Variants in SH3D19 observed in about 807,000 individuals in gnomAD.
SH3D19 encodes the protein SH3 domain-containing protein 19.
In SH3D19, 58 loss-of-function variants were observed where a neutral mutation model predicts 112.1. The ratio of observed to expected loss-of-function variants is 0.52; its 90% confidence interval spans 0.42 to 0.64. SH3D19 has a LOEUF of 0.64. SH3D19 is among the 30% of genes least tolerant of loss of function. SH3D19 has a pLI of 0.00. For missense variants in SH3D19, 1,090 were observed against 1,263.4 expected (o/e 0.86, Z 2.08); for synonymous variants, 391 against 448.5 (o/e 0.87, Z 1.62).
intron 1 of SH3D19, among the ~76,000 whole-genome samples, chr4:151,254,972 G>T (rs530340129): frequency 1.3e-5 from 2 of 149,216 alleles, no homozygotes; most frequent in Non-Finnish European, 3.0e-5. Flanking sequence ...CCTCCCTCCC[G>T]GATGGGGCGG....
chr4:151,308,925 G>A (rs1419690339), intron 1 of SH3D19, among the ~76,000 whole-genome samples: 2 of 151,466 alleles, frequency 1.3e-5, no homozygotes, highest in Non-Finnish European at 2.9e-5. Context: ...ACTAGAGTGC[G>A]GTGGCGCAAT....
chr4:151,261,641 A>C (rs1438578733), intron 1 of SH3D19: 1 of 152,200 alleles, frequency 6.6e-6, no homozygotes, highest in Non-Finnish European at 1.5e-5. Flanking sequence ...ATACTACAGT[A>C]ATCTGAGGTG....
intron 1 of SH3D19, among the ~76,000 whole-genome samples, chr4:151,283,973 GT>G (rs1298628266): frequency 6.6e-6 from 1 of 152,128 alleles, no homozygotes; most frequent in African/African-American, 2.4e-5. Flanking sequence ...GTAATGTGTT[GT>G]TTTGCTCTGG....
intron 8 of SH3D19, among the ~76,000 whole-genome samples, chr4:151,160,660 T>G (rs1756991131): frequency 6.8e-6 from 1 of 147,882 alleles, no homozygotes; most frequent in South Asian, 2.2e-4. Context: ...GATGAGCAGA[T>G]GAGCACTCTG....
chr4:151,126,036 T>C lies in SH3D19; in HGVS notation c.3027+1582A>G, dbSNP rs553337017. Among the ~76,000 whole-genome samples the C allele has an allele frequency of 4.6e-5, 7 of 152,152 alleles. No individual in the cohort carries two copies. In the South Asian group the frequency reaches 1.5e-3, roughly 32 times the overall value. On this transcript the variant is annotated intron_variant, in intron 19 of 19. Transcript: ENST00000604030. ...ATGGTGACATATTTCAGTCAAGGCATCCCCCCTTACCCCGACAAAGGCTGC... is the reference window on the plus strand; with the variant it reads ...ATGGTGACATATTTCAGTCAAGGCACCCCCCCTTACCCCGACAAAGGCTGC...
intron 2 of SH3D19, among the ~76,000 whole-genome samples, chr4:151,193,842 A>G (rs1156844695): frequency 6.6e-6 from 1 of 152,308 alleles, no homozygotes; most frequent in East Asian, 1.9e-4. Flanking sequence ...ATGGACACCT[A>G]TTGAAGGAAC....
chr4:151,143,449 C>G (rs1229276792), intron 12 of SH3D19, among the ~76,000 whole-genome samples: 3 of 151,998 alleles, frequency 2.0e-5, no homozygotes, highest in Admixed American at 1.3e-4. Flanking sequence ...GCAGAAGCTA[C>G]CTTAACACAT....
At chr4:151,171,810 C>T (rs1194282529) in intron 7 of SH3D19, among the ~76,000 whole-genome samples, 1 of 152,172 alleles carries the variant, frequency 6.6e-6, no homozygotes, top group East Asian at 1.9e-4. Context: ...CAGAAACATT[C>T]TGCTTCTTTT....
In SH3D19 at chr4:151,135,207, T is replaced by G. The variant is rs76056633; in HGVS notation, c.2428-75A>C. ...TAAGATAAATTTAAGGTTAAGTAAT[T>G]AGAAAGTACATGACTGAAATCGATC... is the stretch of plus-strand genomic sequence containing the variant. On this transcript the variant is annotated intron_variant, in intron 14 of 19. Coordinates refer to ENST00000604030, the MANE Select transcript of SH3D19 (RefSeq NM_001378122.1). The G allele has an allele frequency of 1.3e-3, 1,539 of 1,223,350 alleles. 10 individuals are homozygous for G. The African/African-American group carries it at 0.022, about 17-fold the overall frequency. The allele number at this position is 1,223,350 out of a possible 1,614,324, so 75.8% of individuals were successfully genotyped here. A position where few individuals can be genotyped will look rare whatever the true frequency, so the allele number is the denominator to read the frequency against.
chr4:151,231,630 T>TA (rs1252049026), intron 1 of SH3D19, among the ~76,000 whole-genome samples: 6 of 152,226 alleles, frequency 3.9e-5, no homozygotes, highest in African/African-American at 1.4e-4. Flanking sequence ...CTCTCTTGGT[T>TA]AAAAAAGCCA....
chr4:151,199,176 C>T (rs1764023742), intron 2 of SH3D19, among the ~76,000 whole-genome samples: 1 of 151,906 alleles, frequency 6.6e-6, no homozygotes, highest in African/African-American at 2.4e-5. Flanking sequence ...GATTTGGGAG[C>T]CCACAAAGAA....
intron 3 of SH3D19, chr4:151,181,756 G>A (rs1760977937): frequency 6.6e-6 from 1 of 152,226 alleles, no homozygotes; most frequent in South Asian, 2.1e-4. Flanking sequence ...AGGGGTTATA[G>A]AAGAGGAAAG....
chr4:151,318,031 C>A (rs1185729617), intron 1 of SH3D19, among the ~76,000 whole-genome samples: 1 of 150,424 alleles, frequency 6.6e-6, no homozygotes, highest in Admixed American at 6.7e-5. Flanking sequence ...GGTGCAGTGG[C>A]TCATGCCTGT....
intron 1 of SH3D19, among the ~76,000 whole-genome samples, chr4:151,298,627 G>C (rs776826584): frequency 6.9e-5 from 9 of 131,228 alleles, no homozygotes; most frequent in Non-Finnish European, 1.4e-4. Context: ...GAGAGGGCAG[G>C]ACTAGAGAAA....
At chr4:151,237,720 T>C (rs1409624787) in intron 1 of SH3D19, among the ~76,000 whole-genome samples, 1 of 152,210 alleles carries the variant, frequency 6.6e-6, no homozygotes, top group Non-Finnish European at 1.5e-5. Context: ...AATAAACATC[T>C]ACTATTATGA....
chr4:151,314,471 A>C (rs1417831878), intron 1 of SH3D19, among the ~76,000 whole-genome samples: 4 of 152,214 alleles, frequency 2.6e-5, no homozygotes, highest in Non-Finnish European at 4.4e-5. Flanking sequence ...AAGATGTAAA[A>C]AAACGGTGGA....
intron 7 of SH3D19, among the ~76,000 whole-genome samples, chr4:151,167,908 G>C (rs113643816): frequency 0.028 from 4,199 of 152,322 alleles, 181 homozygotes; most frequent in African/African-American, 0.095. Context: ...AGTGAGGCGC[G>C]CCTCTGCCCG....
At chr4:151,284,276 T>C (rs1411132057) in intron 1 of SH3D19, among the ~76,000 whole-genome samples, 1 of 152,238 alleles carries the variant, frequency 6.6e-6, no homozygotes, top group Non-Finnish European at 1.5e-5. Context: ...TTTCTCTCTG[T>C]TCTTCAAATT....
At chr4:151,194,864 T>A (rs1763178887) in intron 2 of SH3D19, among the ~76,000 whole-genome samples, 1 of 150,784 alleles carries the variant, frequency 6.6e-6, no homozygotes, top group Non-Finnish European at 1.5e-5. Flanking sequence ...GGCAGGTGGA[T>A]CGCCACAGGT....
Sources: gnomAD v4.1 joint callset for allele counts (sites outside exome capture counted in the v4.1 genomes callset) on GRCh38, gnomAD v4.1.1 for gene constraint, MANE v1.5 for transcripts, NCBI Gene and HGNC (gene_info 2026-07-23, HGNC 2026-07-21) for gene names.